The following PTGER3 variants were observed in gnomAD, a reference collection of about 807,000 sequenced individuals.
The protein encoded by PTGER3 is prostaglandin E receptor 3, also known as prostaglandin E2 receptor EP3 subtype.
In PTGER3, 22 loss-of-function variants were observed where a neutral mutation model predicts 34.7. The observed-to-expected ratio is 0.63, with a 90% CI of 0.45 to 0.91. The LOEUF (loss-of-function observed/expected upper bound fraction) is 0.91, where lower values mean the gene tolerates loss of function less well. Among genes scored for constraint, PTGER3 ranks in the 40% least tolerant of loss-of-function variants. The pLI, the probability that PTGER3 is intolerant of heterozygous loss-of-function variation, is 0.00. For missense variants in PTGER3, 468 were observed against 519.4 expected (o/e 0.90, Z 0.96); for synonymous variants, 241 against 230.1 (o/e 1.05, Z -0.43).
chr1:70,859,787 CTG>C (rs1203270397), intron 4 of PTGER3, among the ~76,000 whole-genome samples: 2 of 152,168 alleles, frequency 1.3e-5, no homozygotes, highest in African/African-American at 4.8e-5. Context: ...ACATGAGAAA[CTG>C]AGCCTTATCC....
chr1:71,040,955 T>C (rs1247673360), intron 1 of PTGER3, among the ~76,000 whole-genome samples: 3 of 152,004 alleles, frequency 2.0e-5, no homozygotes, highest in African/African-American at 4.8e-5. Context: ...AAAGTGGCAA[T>C]GAAAAATGGA....
intron 4 of PTGER3, among the ~76,000 whole-genome samples, chr1:70,862,025 A>C (rs1417107315): frequency 6.6e-6 from 1 of 151,892 alleles, no homozygotes; most frequent in Non-Finnish European, 1.5e-5. Context: ...ATCAATGAAA[A>C]GTGGATGATT....
intron 2 of PTGER3, among the ~76,000 whole-genome samples, chr1:70,954,590 C>T (rs1291255167): frequency 6.6e-6 from 1 of 151,996 alleles, no homozygotes; most frequent in Admixed American, 6.6e-5. Flanking sequence ...AATCATTTAC[C>T]CAAATTCACG....
chr1:70,919,302 CT>C (rs1359613473), intron 4 of PTGER3, among the ~76,000 whole-genome samples: 1 of 152,080 alleles, frequency 6.6e-6, no homozygotes, highest in Admixed American at 6.6e-5. Context: ...GGAAATTTCT[CT>C]CTGTATATTT....
At chr1:71,030,462 C>T (rs1476520790) in intron 1 of PTGER3, among the ~76,000 whole-genome samples, 1 of 152,110 alleles carries the variant, frequency 6.6e-6, no homozygotes, top group Admixed American at 6.6e-5. Flanking sequence ...ATTCAATATA[C>T]AGTTTTATTT....
intron 4 of PTGER3, among the ~76,000 whole-genome samples, chr1:70,867,297 C>A (rs1646063330): frequency 6.6e-6 from 1 of 152,296 alleles, no homozygotes; most frequent in Admixed American, 6.5e-5. Flanking sequence ...AAGAATGTAC[C>A]TTTATTATGG....
At chr1:70,982,574 GCTT>G (rs1654487232) in intron 2 of PTGER3, among the ~76,000 whole-genome samples, 2 of 152,034 alleles carry the variant, frequency 1.3e-5, no homozygotes, top group South Asian at 2.1e-4. Flanking sequence ...TTGTAAAATT[GCTT>G]CTTATTTTTC....
chr1:70,958,781 T>C (rs1480453494), intron 2 of PTGER3, among the ~76,000 whole-genome samples: 2 of 152,180 alleles, frequency 1.3e-5, no homozygotes, highest in African/African-American at 4.8e-5. Context: ...ATTTCCTCTA[T>C]CTTTTGCTGT....
chr1:70,990,230 A>G (rs1655313181), intron 2 of PTGER3, among the ~76,000 whole-genome samples: 1 of 150,764 alleles, frequency 6.6e-6, no homozygotes. Context: ...GGTGGCGGGC[A>G]CCTGTAGTCC....
chr1:70,969,259 G>C (rs754750067), downstream of PTGER3, among the ~76,000 whole-genome samples: 1 of 152,020 alleles, frequency 6.6e-6, no homozygotes, highest in South Asian at 2.1e-4. Context: ...ATTCTCCCTG[G>C]ATGTAGACAT....
At chr1:71,022,188 A>C (rs1192539798) in intron 1 of PTGER3, among the ~76,000 whole-genome samples, 1 of 151,906 alleles carries the variant, frequency 6.6e-6, no homozygotes, top group Non-Finnish European at 1.5e-5. Flanking sequence ...CTTAGCTATA[A>C]ACAATCATCT....
chr1:71,001,834 G>A (rs1049813396), intron 2 of PTGER3, among the ~76,000 whole-genome samples: 1 of 152,174 alleles, frequency 6.6e-6, no homozygotes, highest in Non-Finnish European at 1.5e-5. Flanking sequence ...GTGAATGTGC[G>A]ATTGCCCAAT....
rs74559510 is a variant in PTGER3 at position 70,992,711 on chromosome 1, C to T, written c.1078-18323G>A. Among the ~76,000 whole-genome samples, 753 of 152,248 alleles carry T rather than the reference C, an allele frequency of 4.9e-3. 49 individuals are homozygous for T. In the East Asian group the frequency reaches 0.13, roughly 26 times the overall value. ...GCAACACTTGAGCAACCAAGGACAT[C>T]GATTTCATCATTTTACTTGATTTCC... On this transcript the variant is annotated intron_variant, in intron 2 of 3. Coordinates refer to ENST00000306666, the MANE Select transcript of PTGER3 (RefSeq NM_198719.2).
chr1:70,915,538 C>A (rs1300781883), intron 4 of PTGER3, among the ~76,000 whole-genome samples: 3 of 151,902 alleles, frequency 2.0e-5, no homozygotes, highest in East Asian at 1.9e-4. Flanking sequence ...GTTTGGAGAG[C>A]CTGACTGTCT....
At chr1:70,883,439 G>A (rs1476469653) in intron 4 of PTGER3, among the ~76,000 whole-genome samples, 2 of 151,908 alleles carry the variant, frequency 1.3e-5, no homozygotes, top group Admixed American at 1.3e-4. Flanking sequence ...GTTTTCTTTT[G>A]AAGTATACCA....
At chr1:70,957,124 C>A (rs935379831) in intron 2 of PTGER3, among the ~76,000 whole-genome samples, 1 of 152,224 alleles carries the variant, frequency 6.6e-6, no homozygotes, top group African/African-American at 2.4e-5. Context: ...AGTGAGACAA[C>A]TATTAACCTC....
intron 4 of PTGER3, among the ~76,000 whole-genome samples, chr1:70,895,446 T>G (rs1185839491): frequency 6.6e-6 from 1 of 152,164 alleles, no homozygotes; most frequent in Non-Finnish European, 1.5e-5. Flanking sequence ...TGAATAGTGG[T>G]TACTTTTCAT....
exon 4 of PTGER3, chr1:70,952,615 G>C: frequency 4.8e-6 from 5 of 1,042,006 alleles, no homozygotes; most frequent in Non-Finnish European, 5.8e-6. Flanking sequence ...TTACCAGCAT[G>C]CATATGAAAA....
At chr1:71,016,930 C>G (rs1250841242) in intron 1 of PTGER3, among the ~76,000 whole-genome samples, 3 of 152,018 alleles carry the variant, frequency 2.0e-5, no homozygotes, top group Non-Finnish European at 4.4e-5. Context: ...ACCGAATTTA[C>G]TTAAAATAAA....
Sources: allele counts gnomAD v4.1 joint callset (sites outside exome capture counted in the v4.1 genomes callset), GRCh38; gene constraint gnomAD v4.1.1; transcripts MANE v1.5; gene names NCBI Gene and HGNC (gene_info 2026-07-23, HGNC 2026-07-21).